The following MAD1L1 variants were observed in gnomAD, a reference collection of about 807,000 sequenced individuals.
MAD1L1 encodes the protein mitotic arrest deficient 1 like 1.
MAD1L1 carries 95 observed loss-of-function variants against 96.9 expected under a neutral mutation model. That is an observed-to-expected ratio of 0.98 (90% CI 0.83 to 1.16). The LOEUF is 1.16. Ranked by LOEUF, MAD1L1 falls within the 50% of genes most tolerant of loss-of-function variation. MAD1L1 has a pLI of 0.00. For missense variants in MAD1L1, 1,007 were observed against 954.4 expected (o/e 1.06, Z -0.73); for synonymous variants, 473 against 396.6 (o/e 1.19, Z -2.29).
chr7:1,878,020 G>T (rs921126436), intron 18 of MAD1L1, among the ~76,000 whole-genome samples: 7 of 152,004 alleles, frequency 4.6e-5, no homozygotes, highest in African/African-American at 1.7e-4. Flanking sequence ...GATGCTATGG[G>T]TAATACAAGG....
intron 17 of MAD1L1, among the ~76,000 whole-genome samples, chr7:1,915,503 C>T (rs990833478): frequency 2.6e-5 from 4 of 152,186 alleles, no homozygotes; most frequent in African/African-American, 4.8e-5. Context: ...AGGAGGCCGA[C>T]GCGGGACGTA....
intron 16 of MAD1L1, 24 bp downstream of exon 16, chr7:1,957,605 A>AC: frequency 6.2e-7 from 1 of 1,610,932 alleles, no homozygotes; most frequent in Non-Finnish European, 8.5e-7. Flanking sequence ...GCAGTGCCTC[A>AC]CCCAGAGGCT....
intron 11 of MAD1L1, among the ~76,000 whole-genome samples, chr7:2,141,218 G>C (rs898451905): frequency 6.6e-6 from 1 of 152,246 alleles, no homozygotes; most frequent in African/African-American, 2.4e-5. Flanking sequence ...AAGCCTGCCT[G>C]CATCCTACAG....
chr7:1,822,042 T>G (rs1782152805), intron 18 of MAD1L1, among the ~76,000 whole-genome samples: 1 of 152,086 alleles, frequency 6.6e-6, no homozygotes, highest in Non-Finnish European at 1.5e-5. Flanking sequence ...AGAAAACTCC[T>G]AGAATGACGT....
intron 11 of MAD1L1, chr7:2,080,023 G>A (rs551302590): frequency 6.7e-5 from 20 of 299,266 alleles, no homozygotes; most frequent in Admixed American, 4.9e-5. Context: ...CGTCAACCCT[G>A]TCAGCGCTGG....
chr7:2,124,597 AGAG>A lies in MAD1L1; in HGVS notation c.1073+24552_1073+24554del, dbSNP rs1193169287. ...AGGATGGCTAGGAAGACTCTGGCAG[AGAG>A]GAGGTCACGAAGCCCCCGCTCTGAG... is the stretch of plus-strand genomic sequence containing the variant. On this transcript the variant is annotated intron_variant, in intron 11 of 18. Transcript: ENST00000265854. Among the ~76,000 whole-genome samples the A allele has an allele frequency of 6.6e-5, 10 of 152,296 alleles. No homozygotes were observed. The South Asian group carries it at 1.2e-3, about 19-fold the overall frequency.
chr7:2,220,935 G>T (rs1427563958), intron 5 of MAD1L1: 1 of 1,612,366 alleles, frequency 6.2e-7, no homozygotes, highest in Non-Finnish European at 8.5e-7. Flanking sequence ...TGCCCACAGG[G>T]TCACCCGTGT....
chr7:1,979,149 G>A (rs540999003), intron 15 of MAD1L1, among the ~76,000 whole-genome samples: 1 of 152,184 alleles, frequency 6.6e-6, no homozygotes, highest in Non-Finnish European at 1.5e-5. Context: ...TGGGTGTGAC[G>A]GACGAAGCAG....
intron 18 of MAD1L1, among the ~76,000 whole-genome samples, chr7:1,819,453 C>CG (rs1189823173): frequency 6.6e-6 from 1 of 152,144 alleles, no homozygotes; most frequent in African/African-American, 2.4e-5. Context: ...TCCAGACCCT[C>CG]GCTGGCCTGG....
chr7:1,896,855 T>C (rs1196992371), intron 18 of MAD1L1, among the ~76,000 whole-genome samples: 1 of 152,278 alleles, frequency 6.6e-6, no homozygotes, highest in Non-Finnish European at 1.5e-5. Context: ...CTGTTCATGG[T>C]ACACCTTTAT....
intron 12 of MAD1L1, among the ~76,000 whole-genome samples, chr7:2,018,590 T>C (rs1782646164): frequency 6.6e-6 from 1 of 152,176 alleles, no homozygotes; most frequent in African/African-American, 2.4e-5. Flanking sequence ...TGGGAGTCAG[T>C]GGCAGCCTGA....
Position 2,080,454 on chromosome 7 carries a change from G to A in MAD1L1, c.1074-11116C>T, listed in dbSNP as rs530067197. Among the ~76,000 whole-genome samples, 84 of 152,274 alleles carry A rather than the reference G, an allele frequency of 5.5e-4. No homozygotes were observed. The East Asian group carries it at 0.012, about 22-fold the overall frequency. On this transcript the variant is annotated intron_variant, in intron 11 of 18. Transcript: ENST00000265854. Reference sequence around the variant, plus strand: ...GAGAGCAAGCTCCTGCCGGCTCCCCGCCTCGGCCACTGCAGATGCACAAAT... The same window carrying A: ...GAGAGCAAGCTCCTGCCGGCTCCCCACCTCGGCCACTGCAGATGCACAAAT...
chr7:2,099,710 C>T (rs1003689363), intron 11 of MAD1L1, among the ~76,000 whole-genome samples: 1 of 152,200 alleles, frequency 6.6e-6, no homozygotes, highest in African/African-American at 2.4e-5. Flanking sequence ...TACTCCTACC[C>T]GAGACCCAGG....
intron 12 of MAD1L1, among the ~76,000 whole-genome samples, chr7:2,025,877 TAAC>T (rs1341873957): frequency 6.6e-5 from 10 of 152,112 alleles, no homozygotes; most frequent in African/African-American, 1.4e-4. Context: ...AAAGCACACA[TAAC>T]AAGATAACGA....
At chr7:2,207,525 A>G (rs1204383192) in intron 10 of MAD1L1, among the ~76,000 whole-genome samples, 1 of 152,188 alleles carries the variant, frequency 6.6e-6, no homozygotes, top group Non-Finnish European at 1.5e-5. Context: ...AAACCCACAA[A>G]TAAGGCCAGG....
At chr7:1,827,490 T>C (rs1782466306) in intron 18 of MAD1L1, among the ~76,000 whole-genome samples, 1 of 143,442 alleles carries the variant, frequency 7.0e-6, no homozygotes, top group East Asian at 2.1e-4. Flanking sequence ...CCTCCCCTCC[T>C]GAGCCCGTCC....
intron 17 of MAD1L1, among the ~76,000 whole-genome samples, chr7:1,926,637 G>A (rs775950777): frequency 3.9e-5 from 6 of 152,084 alleles, no homozygotes; most frequent in East Asian, 1.9e-4. Context: ...AAAAACATAC[G>A]ATCCCATCAA....
rs148276073 is a variant in MAD1L1 at position 1,898,157 on chromosome 7, C to G, written c.1998+43G>C. ...GGTCGGATCTCCCCACAGGAGGAGA[C>G]AGAGAGCGAGACAGCCGGAGAGCCG... is the stretch of plus-strand genomic sequence containing the variant. On this transcript the variant is annotated intron_variant, in intron 18 of 18. Coordinates refer to ENST00000265854, the MANE Select transcript of MAD1L1 (RefSeq NM_001013836.2). The G allele has an allele frequency of 6.3e-4, 974 of 1,554,450 alleles. 4 individuals carry two copies. The African/African-American group carries it at 9.8e-3, about 16-fold the overall frequency.
At chr7:2,192,765 A>G (rs913648861) in intron 10 of MAD1L1, among the ~76,000 whole-genome samples, 47 of 152,230 alleles carry the variant, frequency 3.1e-4, no homozygotes, top group African/African-American at 1.1e-3. Flanking sequence ...ATAAATTTAT[A>G]CCAAGTTTCT....
Sources: allele counts gnomAD v4.1 joint callset (sites outside exome capture counted in the v4.1 genomes callset), GRCh38; gene constraint gnomAD v4.1.1; transcripts MANE v1.5; gene names NCBI Gene and HGNC (gene_info 2026-07-23, HGNC 2026-07-21).